The following CCDC60 variants were observed in gnomAD, a reference collection of about 807,000 sequenced individuals.
The protein encoded by CCDC60 is coiled-coil domain containing 60, also known as coiled-coil domain-containing protein 60.
In CCDC60, 54 loss-of-function variants were observed where a neutral mutation model predicts 63.5. The observed-to-expected ratio is 0.85, with a 90% CI of 0.68 to 1.07. The LOEUF (loss-of-function observed/expected upper bound fraction) is 1.07, where lower values mean the gene tolerates loss of function less well. Among genes scored for constraint, CCDC60 ranks in the 50% least tolerant of loss-of-function variants. CCDC60 has a pLI of 0.00. For missense variants in CCDC60, 651 were observed against 684.3 expected, an observed-to-expected ratio of 0.95 and a Z score of 0.54; for synonymous variants, 206 against 238.8, an observed-to-expected ratio of 0.86 and a Z score of 1.27.
At chr12:119,428,856 A>T (rs766108529) in intron 2 of CCDC60, 94 bp downstream of exon 2, 2 of 775,912 alleles carry the variant, frequency 2.6e-6, no homozygotes, top group Non-Finnish European at 4.4e-6. Context: ...CAGTCCCAGC[A>T]TCCCCCAATT....
At chr12:119,383,926 G>T (rs1346297278) in intron 1 of CCDC60, among the ~76,000 whole-genome samples, 1 of 152,214 alleles carries the variant, frequency 6.6e-6, no homozygotes, top group Non-Finnish European at 1.5e-5. Context: ...GCCGGGCGCG[G>T]TGGCTCACGC....
At chr12:119,426,561 G>A (rs1250471062) in intron 1 of CCDC60, among the ~76,000 whole-genome samples, 2 of 151,982 alleles carry the variant, frequency 1.3e-5, no homozygotes, top group African/African-American at 4.8e-5. Context: ...GTTTTGTCAT[G>A]TTGCCCTGTC....
At chr12:119,462,800 A>G (rs1236060615) in intron 2 of CCDC60, among the ~76,000 whole-genome samples, 1 of 142,374 alleles carries the variant, frequency 7.0e-6, no homozygotes, top group Non-Finnish European at 1.5e-5. Flanking sequence ...TCATTTATTT[A>G]TTTATTTATT....
intron 2 of CCDC60, among the ~76,000 whole-genome samples, chr12:119,434,147 C>A (rs1163518357): frequency 6.6e-6 from 1 of 152,222 alleles, no homozygotes; most frequent in East Asian, 1.9e-4. Flanking sequence ...TCCCCTACCC[C>A]CAGCAGGGTC....
rs544644189 is a variant in CCDC60 at position 119,431,868 on chromosome 12, A to T, written c.170+3106A>T. ...TAATTTTTTTGTATTTTTAGTAGAG[A>T]CGGAGTTTCACCACGTTAGCCAGGA... On this transcript the variant is annotated intron_variant, in intron 2 of 13. Transcript: ENST00000327554. Among the ~76,000 whole-genome samples, 8 of 152,072 alleles carry T rather than the reference A, an allele frequency of 5.3e-5. No homozygotes were observed. In the South Asian group the frequency reaches 1.7e-3, roughly 32 times the overall value.
At chr12:119,467,856 T>C (rs1018160373) in intron 2 of CCDC60, among the ~76,000 whole-genome samples, 2 of 152,250 alleles carry the variant, frequency 1.3e-5, no homozygotes, top group African/African-American at 4.8e-5. Context: ...TTTCTTTTTA[T>C]CAAGTTCCCT....
At chr12:119,401,576 AGTT>A (rs913173745) in intron 1 of CCDC60, among the ~76,000 whole-genome samples, 25 of 152,340 alleles carry the variant, frequency 1.6e-4, no homozygotes, top group African/African-American at 5.5e-4. Flanking sequence ...CCAGATGTCC[AGTT>A]GTTGTAGGTT....
intron 2 of CCDC60, among the ~76,000 whole-genome samples, chr12:119,443,999 G>T (rs1450908969): frequency 6.6e-6 from 1 of 152,130 alleles, no homozygotes; most frequent in African/African-American, 2.4e-5. Context: ...ATCTCTGAAG[G>T]CTCAATTCCA....
chr12:119,345,267 G>A (rs1464641248), intron 1 of CCDC60, among the ~76,000 whole-genome samples: 1 of 152,204 alleles, frequency 6.6e-6, no homozygotes. Context: ...ACTTTGGGAA[G>A]CCAAAGCAGG....
rs376316932 is a variant in CCDC60, at chr12:119,518,727, G to A, written c.969-1394G>A. 3.9e-5 allele frequency among the ~76,000 whole-genome samples: 6 copies of A among 152,202 alleles called. No individual in the cohort carries two copies. The East Asian group carries it at 9.7e-4, about 25-fold the overall frequency. ...GGCAGTGAGGTTGGTGGTGGGGATG[G>A]TGGTGGGGACGGTTGTTACTTTTAT... On this transcript the variant is annotated intron_variant, in intron 8 of 13. Coordinates refer to ENST00000327554, the MANE Select transcript of CCDC60 (RefSeq NM_178499.5).
chr12:119,357,981 C>G (rs1955734824), intron 1 of CCDC60, among the ~76,000 whole-genome samples: 1 of 152,102 alleles, frequency 6.6e-6, no homozygotes, highest in African/African-American at 2.4e-5. Context: ...GCAGGCATGT[C>G]TTACACAGCA....
chr12:119,485,612 C>T (rs518202), intron 4 of CCDC60, among the ~76,000 whole-genome samples: 71,093 of 151,796 alleles, frequency 0.47, 17,534 homozygotes, highest in East Asian at 0.85. Context: ...GCAGCCCTGG[C>T]GTCTCTTTAG....
At chr12:119,516,578 CA>C in intron 7 of CCDC60, 44 bp from the exon 8 acceptor site, 1 of 1,382,992 alleles carries the variant, frequency 7.2e-7, no homozygotes, top group Non-Finnish European at 1.0e-6. Flanking sequence ...AATCCTGTCT[CA>C]GGGGTGGCTT....
At chr12:119,515,712 C>T (rs1351656536) in intron 7 of CCDC60, among the ~76,000 whole-genome samples, 2 of 152,112 alleles carry the variant, frequency 1.3e-5, no homozygotes, top group Non-Finnish European at 2.9e-5. Flanking sequence ...AGAGCAGTCG[C>T]CTATCTAAAG....
intron 13 of CCDC60, among the ~76,000 whole-genome samples, chr12:119,537,885 G>A (rs1316526595): frequency 6.6e-6 from 1 of 152,248 alleles, no homozygotes; most frequent in Non-Finnish European, 1.5e-5. Flanking sequence ...GGACCCACTT[G>A]AGGAGGCAGT....
At position 119,524,557 on chromosome 12, in the gene CCDC60, C is replaced by G. The variant is rs1020954825; in HGVS notation, c.1229+739C>G. 4 of 524,544 alleles carry G rather than the reference C, an allele frequency of 7.6e-6. No individual in the cohort carries two copies. In the South Asian group the frequency reaches 3.2e-4, roughly 42 times the overall value. The allele number at this position is 524,544 out of a possible 1,614,324, so 32.5% of individuals were successfully genotyped here. A position where few individuals can be genotyped will look rare whatever the true frequency, so the allele number is the denominator to read the frequency against. On this transcript the variant is annotated intron_variant, in intron 11 of 13. Transcript: ENST00000327554. ...CTTGCCCTTTCCTTCTGGGAGCTAA[C>G]AGTCCAGTAGGGAAGATGGAAAGGT...
At chr12:119,407,378 TTTAA>T (rs1481801138) in intron 1 of CCDC60, among the ~76,000 whole-genome samples, 2 of 151,498 alleles carry the variant, frequency 1.3e-5, no homozygotes, top group African/African-American at 4.9e-5. Flanking sequence ...GAAAAAGAAA[TTTAA>T]TTAGCCAGGC....
intron 1 of CCDC60, among the ~76,000 whole-genome samples, chr12:119,378,942 A>G (rs1396129000): frequency 9.2e-5 from 14 of 152,184 alleles, no homozygotes. Flanking sequence ...ATAACAATCA[A>G]TGCTCAGCCC....
intron 9 of CCDC60, among the ~76,000 whole-genome samples, chr12:119,520,583 C>T (rs895374793): frequency 1.1e-4 from 16 of 150,426 alleles, no homozygotes; most frequent in Non-Finnish European, 1.6e-4. Flanking sequence ...ACTCTGTCAC[C>T]CAGGCTGGAG....
Sources: allele counts gnomAD v4.1 joint callset (sites outside exome capture counted in the v4.1 genomes callset), GRCh38; gene constraint gnomAD v4.1.1; transcripts MANE v1.5; gene names NCBI Gene and HGNC (gene_info 2026-07-23, HGNC 2026-07-21).